WDR43: variants seen among roughly 807,000 people sequenced by gnomAD.
WDR43 encodes the protein WD repeat-containing protein 43.
WDR43 carries 13 observed loss-of-function variants against 91.4 expected under a neutral mutation model. That is an observed-to-expected ratio of 0.14 (90% CI 0.09 to 0.23). The LOEUF is 0.23. WDR43 is among the 10% of genes least tolerant of loss of function. The pLI is 1.00. For missense variants in WDR43, 780 were observed against 809.4 expected (o/e 0.96, Z 0.44); for synonymous variants, 331 against 287.9 (o/e 1.15, Z -1.51).
intron 3 of WDR43, among the ~76,000 whole-genome samples, chr2:28,908,547 T>C (rs1323189009): frequency 6.6e-6 from 1 of 152,156 alleles, no homozygotes; most frequent in Non-Finnish European, 1.5e-5. Context: ...ACTAGTAATG[T>C]TCAAAGAGCC....
At chr2:28,942,466 C>T in intron 16 of WDR43, 85 bp downstream of exon 16, 2 of 1,404,604 alleles carry the variant, frequency 1.4e-6, no homozygotes, top group Non-Finnish European at 2.0e-6. Context: ...TTGAAAACGT[C>T]AACATAAGAT....
intron 1 of WDR43, among the ~76,000 whole-genome samples, chr2:28,899,423 G>C (rs1215893165): frequency 1.3e-5 from 2 of 152,170 alleles, no homozygotes; most frequent in Non-Finnish European, 2.9e-5. Flanking sequence ...ATTGAGGTGA[G>C]TAGGAAAGGT....
chr2:28,934,242 A>G (rs1032736287), intron 11 of WDR43, among the ~76,000 whole-genome samples: 4 of 152,220 alleles, frequency 2.6e-5, no homozygotes, highest in African/African-American at 4.8e-5. Context: ...AAGCAGACCA[A>G]TACATAGTTC....
At position 28,929,766 on chromosome 2, in the gene WDR43, G is replaced by A. The variant is rs1334036455; in HGVS notation, c.1437+56G>A. 11 of 1,539,472 alleles carry A rather than the reference G, an allele frequency of 7.1e-6. No individual in the cohort carries two copies. In the East Asian group the frequency reaches 2.5e-4, roughly 35 times the overall value. On this transcript the variant is annotated intron_variant, in intron 11 of 17. Transcript: ENST00000407426. ...ACATGGTTAATATTTCTTAGAAAAT[G>A]ATTGACATAGCACATTCACAGCTGT...
chr2:28,913,783 T>C, intron 4 of WDR43: 2 of 597,746 alleles, frequency 3.3e-6, no homozygotes, highest in East Asian at 8.0e-5. Flanking sequence ...TAGAATTAAG[T>C]GAATCTTTAA....
chr2:28,941,065 T>G (rs1430700583), intron 14 of WDR43, among the ~76,000 whole-genome samples: 5 of 152,192 alleles, frequency 3.3e-5, no homozygotes, highest in Non-Finnish European at 5.9e-5. Flanking sequence ...GTAGATAATA[T>G]GCTAGCATCA....
At chr2:28,925,231 CA>C (rs1440055605) in intron 8 of WDR43, 78 bp downstream of exon 8, 23 of 1,280,992 alleles carry the variant, frequency 1.8e-5, no homozygotes, top group Non-Finnish European at 2.2e-5. Context: ...AAAATAACAA[CA>C]TTGGTCTTTA....
intron 2 of WDR43, 87 bp from the exon 3 acceptor site, chr2:28,906,373 G>A (rs988143253): frequency 8.7e-5 from 117 of 1,345,474 alleles, no homozygotes; most frequent in Non-Finnish European, 1.1e-4. Context: ...TGTAATCCCA[G>A]CATCTTGGGA....
chr2:28,902,528 G>T (rs945882543), intron 2 of WDR43, among the ~76,000 whole-genome samples: 1 of 152,224 alleles, frequency 6.6e-6, no homozygotes, highest in African/African-American at 2.4e-5. Context: ...GGCCCCATGG[G>T]CATGGGATCG....
At chr2:28,899,717 G>T (rs2148177154) in intron 1 of WDR43, among the ~76,000 whole-genome samples, 1 of 152,202 alleles carries the variant, frequency 6.6e-6, no homozygotes, top group East Asian at 1.9e-4. Flanking sequence ...TTTAGTATGG[G>T]TAATACTTGG....
chr2:28,940,307 G>A (rs1459960725), intron 14 of WDR43, among the ~76,000 whole-genome samples: 2 of 151,494 alleles, frequency 1.3e-5, no homozygotes, highest in African/African-American at 4.9e-5. Flanking sequence ...TTGGCTCACC[G>A]CAACCTCCGC....
At chr2:28,939,597 G>A (rs1231073007) in intron 14 of WDR43, among the ~76,000 whole-genome samples, 1 of 152,168 alleles carries the variant, frequency 6.6e-6, no homozygotes, top group African/African-American at 2.4e-5. Flanking sequence ...TGCCAGGCAT[G>A]GGGATTCAGC....
intron 6 of WDR43, among the ~76,000 whole-genome samples, chr2:28,919,650 C>T (rs1262478805): frequency 2.7e-5 from 4 of 150,218 alleles, no homozygotes; most frequent in Admixed American, 2.0e-4. Context: ...AGCGAGACTC[C>T]GTCTCAAAAA....
At chr2:28,937,435 T>C (rs1460105900) in intron 13 of WDR43, among the ~76,000 whole-genome samples, 2 of 151,986 alleles carry the variant, frequency 1.3e-5, no homozygotes, top group Non-Finnish European at 2.9e-5. Context: ...TTTTTTCTCG[T>C]GGGGTGCATT....
At chr2:28,906,374 C>A in intron 2 of WDR43, 86 bp from the exon 3 acceptor site, 1 of 1,348,248 alleles carries the variant, frequency 7.4e-7, no homozygotes, top group Non-Finnish European at 9.9e-7. Context: ...GTAATCCCAG[C>A]ATCTTGGGAG....
At chr2:28,909,958 C>T (rs919458453) in intron 3 of WDR43, among the ~76,000 whole-genome samples, 3 of 152,134 alleles carry the variant, frequency 2.0e-5, no homozygotes, top group African/African-American at 7.2e-5. Context: ...ATTGGGAAGC[C>T]GTCAAATGCC....
chr2:28,914,484 A>G (rs931745044), intron 5 of WDR43, among the ~76,000 whole-genome samples: 1 of 152,202 alleles, frequency 6.6e-6, no homozygotes, highest in African/African-American at 2.4e-5. Context: ...AAAATTTAGA[A>G]AGACCTTTGA....
chr2:28,902,152 G>A, intron 2 of WDR43, 28 bp downstream of exon 2: 1 of 1,524,874 alleles, frequency 6.6e-7, no homozygotes, highest in Non-Finnish European at 8.8e-7. Context: ...TTATTTAAAA[G>A]TGATGTGACA....
intron 8 of WDR43, 146 bp downstream of exon 8, chr2:28,925,299 T>A (rs1008133972): frequency 5.4e-5 from 47 of 873,916 alleles, no homozygotes; most frequent in Admixed American, 2.9e-4. Flanking sequence ...TGGTTTATTT[T>A]AATTTTGAGA....
Sources: gnomAD v4.1 joint callset for allele counts (sites outside exome capture counted in the v4.1 genomes callset) on GRCh38, gnomAD v4.1.1 for gene constraint, MANE v1.5 for transcripts, NCBI Gene and HGNC (gene_info 2026-07-23, HGNC 2026-07-21) for gene names.